TSPAN5: variants seen among roughly 807,000 people sequenced by gnomAD.
TSPAN5 encodes tetraspanin-5.
Under a neutral mutation model 37.1 loss-of-function variants are expected in TSPAN5, and 10 were observed. The observed-to-expected ratio is 0.27, with a 90% CI of 0.17 to 0.46. TSPAN5 has a LOEUF of 0.46. TSPAN5 is among the 20% of genes least tolerant of loss of function. The pLI is 1.00. For missense variants in TSPAN5, 195 were observed against 326.6 expected (o/e 0.60, Z 3.11); for synonymous variants, 110 against 118.9 (o/e 0.93, Z 0.48).
intron 1 of TSPAN5, among the ~76,000 whole-genome samples, chr4:98,628,601 A>G (rs1756662192): frequency 6.6e-6 from 1 of 152,180 alleles, no homozygotes; most frequent in Non-Finnish European, 1.5e-5. Context: ...CCAACAGCTA[A>G]TGGAAACCAG....
chr4:98,523,237 T>G (rs1335827426), intron 1 of TSPAN5, among the ~76,000 whole-genome samples: 2 of 152,184 alleles, frequency 1.3e-5, no homozygotes, highest in Non-Finnish European at 2.9e-5. Context: ...AGTCTCCTGA[T>G]GAACAACAGC....
chr4:98,629,230 T>C (rs1002486560), intron 1 of TSPAN5, among the ~76,000 whole-genome samples: 3 of 152,246 alleles, frequency 2.0e-5, no homozygotes, highest in Non-Finnish European at 4.4e-5. Flanking sequence ...GTATTACACA[T>C]AACCAGAATA....
chr4:98,526,709 G>C (rs572991247), intron 1 of TSPAN5, among the ~76,000 whole-genome samples: 104 of 150,986 alleles, frequency 6.9e-4, no homozygotes, highest in Admixed American at 6.8e-3. Flanking sequence ...AGGTCTCAAG[G>C]GGGGTGGAGG....
chr4:98,483,536 G>A (rs1243087182), intron 3 of TSPAN5: 2 of 152,220 alleles, frequency 1.3e-5, no homozygotes, highest in African/African-American at 4.8e-5. Context: ...TGTGATTAGG[G>A]AGGCTAGGCA....
chr4:98,515,705 C>T (rs569835446), intron 1 of TSPAN5, among the ~76,000 whole-genome samples: 2 of 152,250 alleles, frequency 1.3e-5, no homozygotes, highest in South Asian at 4.2e-4. Context: ...CAGGAAGTGG[C>T]AGCATCCGGC....
At position 98,593,789 on chromosome 4, in the gene TSPAN5, T is replaced by A. The variant is rs1055106013; in HGVS notation, c.81+64357A>T. ...TTTCTGAGGGCTCTGTTCTGTTCCA[T>A]TGATCTATATCTCTGTTTTGGTACC... On this transcript the variant is annotated intron_variant, in intron 1 of 7. Transcript: ENST00000305798. Among the ~76,000 whole-genome samples, 29 of 30,336 alleles carry A rather than the reference T, an allele frequency of 9.6e-4. 8 individuals carry two copies. Among genetic ancestry groups the A allele is most frequent in the African/African-American group, 2.4e-3 (6 of 2,476 alleles). 19.9% of individuals were successfully genotyped at this position (30,336 alleles called of 152,430 possible). A position where few individuals can be genotyped will look rare whatever the true frequency, so the allele number is the denominator to read the frequency against.
chr4:98,645,892 C>T (rs980521162), intron 1 of TSPAN5, among the ~76,000 whole-genome samples: 3 of 152,168 alleles, frequency 2.0e-5, no homozygotes, highest in African/African-American at 7.2e-5. Context: ...ATAAAAACTA[C>T]AGTAAAAATT....
At position 98,486,770 on chromosome 4, in the gene TSPAN5, C is replaced by T. The variant is rs1216617661; in HGVS notation, c.247G>A (p.Ala83Thr). 2 of 1,614,022 alleles carry T rather than the reference C, an allele frequency of 1.2e-6. No individual in the cohort carries two copies. Among genetic ancestry groups the T allele is most frequent in the Non-Finnish European group, 1.7e-6 (2 of 1,180,006 alleles). ...AGAAGGAAAGTGTTTTCCCGTAGCG[C>T]TCCAATGCACCCTGCAAATCCCAAA... is the stretch of plus-strand genomic sequence containing the variant. ...FILGFAGCIG[A>T]LRENTFLLKF... is the part of the protein sequence containing the mutation. Residue 83 changes from alanine to threonine, a missense_variant, in exon 3 of 8, where the codon GCG becomes ACG. Transcript: ENST00000305798.
Position 98,472,562 on chromosome 4 carries a change from T to A in TSPAN5, c.767A>T (p.Asn256Ile). The change falls in exon 8 of 8, where the codon AAT (asparagine) becomes ATT (isoleucine). Residue 256 changes from asparagine to isoleucine, a missense_variant. Coordinates refer to ENST00000305798, the MANE Select transcript of TSPAN5 (RefSeq NM_005723.4). ...GACAGCTTCGATATCGCTAACCAAA[T>A]TCTGGGCCAGGCATATCCCAAATAT... is the stretch of plus-strand genomic sequence containing the variant. ...LQIFGICLAQ[N>I]LVSDIEAVRA... is the part of the protein sequence containing the mutation. 6.2e-7 allele frequency: 1 copy of A among 1,613,998 alleles called. No individual in the cohort carries two copies. The highest frequency in any genetic ancestry group is 8.5e-7 in the Non-Finnish European group (1 of 1,179,964).
At chr4:98,478,954 A>C in intron 4 of TSPAN5, 144 bp from the exon 5 acceptor site, 1 of 983,642 alleles carries the variant, frequency 1.0e-6, no homozygotes, top group Non-Finnish European at 1.5e-6. Context: ...AACTGAACCT[A>C]AATGGCCCAT....
intron 2 of TSPAN5, among the ~76,000 whole-genome samples, chr4:98,497,657 G>C (rs1753244790): frequency 6.6e-6 from 1 of 152,156 alleles, no homozygotes; most frequent in South Asian, 2.1e-4. Flanking sequence ...TTCATTTATT[G>C]AGCAAATACT....
intron 1 of TSPAN5, among the ~76,000 whole-genome samples, chr4:98,520,904 G>A (rs1753838541): frequency 6.6e-6 from 1 of 151,078 alleles, no homozygotes; most frequent in Non-Finnish European, 1.5e-5. Context: ...AGTTTGTGTG[G>A]GGAGACAATT....
chr4:98,640,597 C>T (rs1051976372), intron 1 of TSPAN5, among the ~76,000 whole-genome samples: 4 of 152,076 alleles, frequency 2.6e-5, no homozygotes, highest in Non-Finnish European at 2.9e-5. Flanking sequence ...AAATTACAGC[C>T]CAGGAGGAGA....
At chr4:98,554,617 G>A (rs1754697513) in intron 1 of TSPAN5, among the ~76,000 whole-genome samples, 1 of 152,152 alleles carries the variant, frequency 6.6e-6, no homozygotes, top group South Asian at 2.1e-4. Flanking sequence ...TTTATTTCTA[G>A]ATTAAATTTG....
At chr4:98,529,261 G>A (rs894572194) in intron 1 of TSPAN5, among the ~76,000 whole-genome samples, 1 of 152,136 alleles carries the variant, frequency 6.6e-6, no homozygotes, top group Non-Finnish European at 1.5e-5. Flanking sequence ...ATCTCCATTT[G>A]GTTACTACTC....
In TSPAN5 at chr4:98,486,750, G is replaced by T. The variant is rs765932142; in HGVS notation, c.267C>A (p.Phe89Leu). ...GCIGALRENT[F>L]LLKFFSVFLG... Reference sequence around the variant, plus strand: ...GTGGAATACTTACAAACTTGAGAAGGAAAGTGTTTTCCCGTAGCGCTCCAA... The same window carrying T: ...GTGGAATACTTACAAACTTGAGAAGTAAAGTGTTTTCCCGTAGCGCTCCAA... The change falls in exon 3 of 8, where the codon TTC becomes TTA. Residue 89 changes from phenylalanine (F) to leucine (L), a missense_variant. By Grantham distance (22) the Phe-to-Leu change is conservative. Transcript: ENST00000305798. 2 of 1,614,028 alleles carry T rather than the reference G, an allele frequency of 1.2e-6. No homozygotes were observed. The highest frequency in any genetic ancestry group is 1.7e-6 in the Non-Finnish European group (2 of 1,179,998).
chr4:98,470,900 T>C lies in TSPAN5; in HGVS notation c.*1622A>G, dbSNP rs1035770620. The C allele has an allele frequency of 6.6e-6, 1 of 152,252 alleles. No homozygotes were observed. Among genetic ancestry groups the C allele is most frequent in the Non-Finnish European group, 1.5e-5 (1 of 68,044 alleles). 9.4% of individuals were successfully genotyped at this position (152,252 alleles called of 1,614,324 possible). On this transcript the variant is annotated 3_prime_UTR_variant, in exon 8 of 8. Transcript: ENST00000305798. Reference sequence around the variant, plus strand: ...AGTATTCTAGCTGGCTGCCCAGTTATGTGCTGGCAAATCTGTCCGCACCGA... The same window carrying C: ...AGTATTCTAGCTGGCTGCCCAGTTACGTGCTGGCAAATCTGTCCGCACCGA...
At chr4:98,638,397 C>A (rs1442982596) in intron 1 of TSPAN5, among the ~76,000 whole-genome samples, 1 of 152,168 alleles carries the variant, frequency 6.6e-6, no homozygotes, top group Admixed American at 6.5e-5. Context: ...TGAGGAGCCA[C>A]CCACCATGAC....
At chr4:98,632,424 A>G (rs1319630636) in intron 1 of TSPAN5, among the ~76,000 whole-genome samples, 2 of 152,146 alleles carry the variant, frequency 1.3e-5, no homozygotes, top group African/African-American at 4.8e-5. Flanking sequence ...ACTACATATC[A>G]CTGGGCTTTA....
Sources: allele counts gnomAD v4.1 joint callset (sites outside exome capture counted in the v4.1 genomes callset), GRCh38; gene constraint gnomAD v4.1.1; transcripts MANE v1.5; gene names NCBI Gene and HGNC (gene_info 2026-07-23, HGNC 2026-07-21).